ENTPD1: variants seen among roughly 807,000 people sequenced by gnomAD.
ENTPD1 encodes ectonucleoside triphosphate diphosphohydrolase 1.
ENTPD1 carries 33 observed loss-of-function variants against 57.0 expected under a neutral mutation model. The ratio of observed to expected loss-of-function variants is 0.58; its 90% CI spans 0.44 to 0.77. The LOEUF (loss-of-function observed/expected upper bound fraction) is 0.77, where lower values mean the gene tolerates loss of function less well. ENTPD1 is among the 30% of genes least tolerant of loss of function. The probability of loss-of-function intolerance (pLI) is 0.00; values close to 1 mark genes in which losing one functional copy is unlikely to be tolerated. For synonymous variants in ENTPD1, 202 were observed against 218.8 expected, an observed-to-expected ratio of 0.92 and a Z score of 0.68; for missense variants, 501 against 603.4, an observed-to-expected ratio of 0.83 and a Z score of 1.78.
chr10:95,726,201 C>T (rs2097983469), intron 1 of ENTPD1, among the ~76,000 whole-genome samples: 2 of 152,308 alleles, frequency 1.3e-5, no homozygotes, highest in South Asian at 2.1e-4. Flanking sequence ...GAAACCTTAC[C>T]TCCTTTTAGA....
intron 1 of ENTPD1, among the ~76,000 whole-genome samples, chr10:95,736,648 C>T (rs1454964856): frequency 6.6e-6 from 1 of 152,112 alleles, no homozygotes; most frequent in African/African-American, 2.4e-5. Flanking sequence ...TTTCTGTGCA[C>T]TCCAACTCCT....
intron 7 of ENTPD1, among the ~76,000 whole-genome samples, chr10:95,856,138 C>T (rs992748828): frequency 6.6e-6 from 1 of 152,100 alleles, no homozygotes; most frequent in Non-Finnish European, 1.5e-5. Flanking sequence ...GTCCGTTTCT[C>T]TTTATTCTTT....
At chr10:95,733,612 T>C (rs1220152401) in intron 1 of ENTPD1, among the ~76,000 whole-genome samples, 1 of 152,236 alleles carries the variant, frequency 6.6e-6, no homozygotes, top group Non-Finnish European at 1.5e-5. Flanking sequence ...TAAATGTCCA[T>C]GAAATCTTCA....
At position 95,869,424 on chromosome 10, in the gene ENTPD1, A is replaced by G; in HGVS notation, c.*3041A>G. On this transcript the variant is annotated 3_prime_UTR_variant, in exon 10 of 10. Coordinates refer to ENST00000371205, the MANE Select transcript of ENTPD1 (RefSeq NM_001776.6). The stretch of plus-strand genomic sequence containing the variant: ...ACCACCACACCCGGCTAATTTTTGT[A>G]TTTTTAGTAAAGACAGGGTTTCACC... The G allele has an allele frequency of 1.4e-6, 1 of 693,142 alleles. No homozygotes were observed. Among genetic ancestry groups the G allele is most frequent in the Non-Finnish European group, 1.8e-6 (1 of 563,998 alleles). The allele number at this position is 693,142 out of a possible 1,614,324, so 42.9% of individuals were successfully genotyped here.
At chr10:95,711,685 G>A (rs555576680), upstream of ENTPD1, 694 of 444,984 alleles carry the variant, frequency 1.6e-3, no homozygotes, top group Non-Finnish European at 2.5e-3. Context: ...TGGCCCCAAG[G>A]CATACTCCCT....
chr10:95,876,451 T>C lies in ENTPD1; in HGVS notation c.*10068T>C. On this transcript the variant is annotated 3_prime_UTR_variant, in exon 10 of 10. Transcript: ENST00000371205. ...TCTGCAATCTATAGGCATACCATAA[T>C]TGTAATCAATAGCTTAAAAATATGT... The C allele has an allele frequency of 4.9e-6, 6 of 1,231,392 alleles. No individual in the cohort carries two copies. The highest frequency in any genetic ancestry group is 6.1e-6 in the Non-Finnish European group (6 of 987,810). 76.3% of individuals were successfully genotyped at this position (1,231,392 alleles called of 1,614,324 possible).
intron 1 of ENTPD1, among the ~76,000 whole-genome samples, chr10:95,778,767 T>A (rs572256352): frequency 1.3e-5 from 2 of 152,334 alleles, no homozygotes; most frequent in South Asian, 4.1e-4. Flanking sequence ...GTAATTAATG[T>A]TTTCTTCTTT....
At chr10:95,729,740 A>G (rs891344705) in intron 1 of ENTPD1, among the ~76,000 whole-genome samples, 1 of 152,144 alleles carries the variant, frequency 6.6e-6, no homozygotes, top group African/African-American at 2.4e-5. Context: ...ACAAATGCTT[A>G]TTTTCCTAGT....
At chr10:95,758,539 C>T (rs552437219) in intron 1 of ENTPD1, among the ~76,000 whole-genome samples, 31 of 152,314 alleles carry the variant, frequency 2.0e-4, no homozygotes, top group African/African-American at 7.5e-4. Context: ...TATAGTACCT[C>T]ATCAGTTATG....
At chr10:95,722,282 A>C (rs1028391902) in intron 1 of ENTPD1, among the ~76,000 whole-genome samples, 2 of 148,540 alleles carry the variant, frequency 1.3e-5, no homozygotes, top group Non-Finnish European at 3.0e-5. Context: ...TTTTTTTTTA[A>C]TTTTTTAATT....
rs1374405720 is a variant in ENTPD1, at chr10:95,877,133, TTA to T, written c.*10753_*10754del. ...AGTAGTAGAAAATCAATTGGTTATC[TTA>T]TAGAGTCTCCTAGAATATTTCATTG... On this transcript the variant is annotated 3_prime_UTR_variant, in exon 10 of 10. Coordinates refer to ENST00000371205, the MANE Select transcript of ENTPD1 (RefSeq NM_001776.6). Among the ~76,000 whole-genome samples, 1 of 152,216 alleles carries T rather than the reference TTA, an allele frequency of 6.6e-6. No individual in the cohort carries two copies. The highest frequency in any genetic ancestry group is 1.5e-5 in the Non-Finnish European group (1 of 68,028).
intron 8 of ENTPD1, 70 bp downstream of exon 8, chr10:95,860,652 G>A: frequency 7.4e-7 from 1 of 1,347,760 alleles, no homozygotes. Context: ...GAGGATGTGA[G>A]TCTGCTCTGA....
intron 1 of ENTPD1, among the ~76,000 whole-genome samples, chr10:95,793,069 G>A (rs533266622): frequency 6.2e-4 from 95 of 152,280 alleles, no homozygotes; most frequent in African/African-American, 2.0e-3. Flanking sequence ...GAAACCTCCT[G>A]AAGTGATTTT....
At chr10:95,774,986 T>C (rs2097122689) in intron 1 of ENTPD1, among the ~76,000 whole-genome samples, 1 of 152,198 alleles carries the variant, frequency 6.6e-6, no homozygotes, top group South Asian at 2.1e-4. Context: ...TTCCATTTGT[T>C]TGTGTCCTTT....
At chr10:95,825,591 T>G (rs2098372010) in intron 2 of ENTPD1, among the ~76,000 whole-genome samples, 1 of 152,244 alleles carries the variant, frequency 6.6e-6, no homozygotes. Context: ...GTTTGTTTCT[T>G]TTTCAAGATG....
chr10:95,698,664 G>GCCACCTCAAGGGAGTC, the ENTPD1 span, among the ~76,000 whole-genome samples: 1 of 152,324 alleles, frequency 6.6e-6, no homozygotes, highest in African/African-American at 2.4e-5. Flanking sequence ...ACTGCCCAGG[G>GCCACCTCAAGGGAGTC]CCACCTCAAG....
At position 95,876,670 on chromosome 10, in the gene ENTPD1, GAAAC is replaced by G; in HGVS notation, c.*10294_*10297del. Reference sequence around the variant, plus strand: ...TTCTGGACAGGCCATTCTAATAACAGAAACAAACAAGTTATTTTAAAACTTATTG... The same window carrying G: ...TTCTGGACAGGCCATTCTAATAACAGAAACAAGTTATTTTAAAACTTATTG... On this transcript the variant is annotated 3_prime_UTR_variant, in exon 10 of 10. Coordinates refer to ENST00000371205, the MANE Select transcript of ENTPD1 (RefSeq NM_001776.6). 7.4e-6 allele frequency: 9 copies of G among 1,221,800 alleles called. No individual in the cohort carries two copies. Among genetic ancestry groups the G allele is most frequent in the African/African-American group, 4.7e-5 (3 of 64,162 alleles). The allele number at this position is 1,221,800 out of a possible 1,614,324, so 75.7% of individuals were successfully genotyped here.
At chr10:95,766,281 C>T (rs1445086489) in intron 1 of ENTPD1, among the ~76,000 whole-genome samples, 1 of 152,150 alleles carries the variant, frequency 6.6e-6, no homozygotes, top group Non-Finnish European at 1.5e-5. Flanking sequence ...TATATAACCA[C>T]AGTACAGTAG....
chr10:95,755,983 C>A (rs1486252205), upstream of ENTPD1: 4 of 1,464,490 alleles, frequency 2.7e-6, no homozygotes, highest in African/African-American at 5.7e-5. Flanking sequence ...AAATTACAAC[C>A]TGGAAAAGGC....
Sources: allele counts gnomAD v4.1 joint callset (sites outside exome capture counted in the v4.1 genomes callset), GRCh38; gene constraint gnomAD v4.1.1; transcripts MANE v1.5; gene names NCBI Gene and HGNC (gene_info 2026-07-23, HGNC 2026-07-21).